ADAMTSL1: variants seen among roughly 807,000 people sequenced by gnomAD.
ADAMTSL1 encodes the protein ADAMTS-like protein 1.
ADAMTSL1 carries 126 observed loss-of-function variants against 201.8 expected under a neutral mutation model. The ratio of observed to expected loss-of-function variants is 0.62; its 90% CI spans 0.54 to 0.72. The LOEUF (loss-of-function observed/expected upper bound fraction) is 0.72, where lower values mean the gene tolerates loss of function less well. Ranked by LOEUF, ADAMTSL1 falls within the 30% of genes least tolerant of loss-of-function variation. ADAMTSL1 has a pLI of 0.00. For synonymous variants in ADAMTSL1, 1,121 were observed against 903.4 expected (o/e 1.24, Z -4.32); for missense variants, 2,679 against 2,277.8 (o/e 1.18, Z -3.59).
chr9:18,513,938 C>G (rs945726796), intron 2 of ADAMTSL1, among the ~76,000 whole-genome samples: 3 of 152,184 alleles, frequency 2.0e-5, no homozygotes, highest in Admixed American at 6.5e-5. Flanking sequence ...ATGCCTTCAG[C>G]TTTGTTCTCT....
intron 1 of ADAMTSL1, among the ~76,000 whole-genome samples, chr9:18,064,954 A>ATTTT (rs563021690): frequency 0.01 from 690 of 68,972 alleles, 38 homozygotes; most frequent in African/African-American, 0.016. Flanking sequence ...TTTGCTAAAG[A>ATTTT]TTTTTTTTTT....
chr9:18,591,595 C>T (rs548792613), intron 4 of ADAMTSL1, among the ~76,000 whole-genome samples: 1 of 152,154 alleles, frequency 6.6e-6, no homozygotes, highest in East Asian at 1.9e-4. Flanking sequence ...CTCTCTCTTC[C>T]TTTTTTACTG....
At chr9:18,223,426 A>AT (rs935221375) in intron 2 of ADAMTSL1, among the ~76,000 whole-genome samples, 3 of 151,854 alleles carry the variant, frequency 2.0e-5, no homozygotes, top group Admixed American at 6.6e-5. Flanking sequence ...GTAAGTTAGA[A>AT]TTTTTTTCAT....
chr9:18,897,169 G>A (rs1829693952), intron 26 of ADAMTSL1, among the ~76,000 whole-genome samples: 1 of 152,204 alleles, frequency 6.6e-6, no homozygotes, highest in Non-Finnish European at 1.5e-5. Context: ...TGGCCTCCCT[G>A]CGGGAATTTC....
chr9:18,298,390 C>G (rs1029346152), intron 2 of ADAMTSL1, among the ~76,000 whole-genome samples: 4 of 152,020 alleles, frequency 2.6e-5, no homozygotes, highest in Non-Finnish European at 5.9e-5. Flanking sequence ...GTGTTCTTAT[C>G]CAAAATGAAA....
intron 2 of ADAMTSL1, among the ~76,000 whole-genome samples, chr9:18,510,013 G>T (rs1753888828): frequency 6.6e-6 from 1 of 152,116 alleles, no homozygotes; most frequent in African/African-American, 2.4e-5. Flanking sequence ...ATGCTTAGAG[G>T]CCTAGCAGGT....
At chr9:17,914,410 A>G in intron 1 of ADAMTSL1, among the ~76,000 whole-genome samples, 1 of 152,222 alleles carries the variant, frequency 6.6e-6, no homozygotes, top group East Asian at 1.9e-4. Flanking sequence ...AACAGAACCA[A>G]TGACAAAAAC....
At chr9:18,856,894 G>A (rs1826890637) in intron 23 of ADAMTSL1, among the ~76,000 whole-genome samples, 1 of 152,158 alleles carries the variant, frequency 6.6e-6, no homozygotes, top group African/African-American at 2.4e-5. Flanking sequence ...GCTGGTTGGA[G>A]AAAGGGGGAA....
intron 1 of ADAMTSL1, among the ~76,000 whole-genome samples, chr9:17,988,096 A>G (rs1161669069): frequency 1.3e-5 from 2 of 152,024 alleles, no homozygotes; most frequent in East Asian, 3.9e-4. Flanking sequence ...TCTGACATTT[A>G]TGGCTGTGTT....
intron 1 of ADAMTSL1, among the ~76,000 whole-genome samples, chr9:18,495,286 G>A (rs894796676): frequency 6.6e-6 from 1 of 152,216 alleles, no homozygotes; most frequent in African/African-American, 2.4e-5. Context: ...ACATTCATGT[G>A]AAAGCAACGC....
At position 18,486,353 on chromosome 9, in the gene ADAMTSL1, A is replaced by G. The variant is rs187720381; in HGVS notation, c.63+12058A>G. 3.3e-5 allele frequency among the ~76,000 whole-genome samples: 5 copies of G among 152,324 alleles called. No individual in the cohort carries two copies. In the East Asian group the frequency reaches 9.7e-4, roughly 29 times the overall value. On this transcript the variant is annotated intron_variant, in intron 1 of 28. Transcript: ENST00000380548. ...CTGAAGAGACTGCCAAACTGTTGTG[A>G]CTTAACCCTTTATTCACTCTCAGCG...
At chr9:18,162,443 A>G (rs1360896651) in intron 1 of ADAMTSL1, among the ~76,000 whole-genome samples, 1 of 152,004 alleles carries the variant, frequency 6.6e-6, no homozygotes. Context: ...AGTGTGTGTG[A>G]CAGCAGAGTG....
chr9:18,877,278 G>A (rs918772965), intron 23 of ADAMTSL1, among the ~76,000 whole-genome samples: 2 of 152,092 alleles, frequency 1.3e-5, no homozygotes, highest in Admixed American at 1.3e-4. Context: ...AGGCGTTCCT[G>A]GTGAGCCAGT....
chr9:18,281,645 C>G (rs1411786465), intron 2 of ADAMTSL1, among the ~76,000 whole-genome samples: 1 of 152,220 alleles, frequency 6.6e-6, no homozygotes, highest in Non-Finnish European at 1.5e-5. Context: ...AGAGATTTCT[C>G]TGAAACAACA....
intron 3 of ADAMTSL1, among the ~76,000 whole-genome samples, chr9:18,571,105 AAC>A (rs1822267249): frequency 6.6e-6 from 1 of 152,214 alleles, no homozygotes; most frequent in Admixed American, 6.5e-5. Context: ...GGAAAGAACC[AAC>A]ACAATTTATT....
chr9:18,288,687 A>C (rs1271630694), intron 2 of ADAMTSL1, among the ~76,000 whole-genome samples: 1 of 152,256 alleles, frequency 6.6e-6, no homozygotes, highest in East Asian at 1.9e-4. Context: ...AAAAGAAAGT[A>C]AAAGAGGCAG....
At chr9:18,326,563 T>C (rs913819716) in intron 2 of ADAMTSL1, among the ~76,000 whole-genome samples, 2 of 152,210 alleles carry the variant, frequency 1.3e-5, no homozygotes, top group African/African-American at 4.8e-5. Flanking sequence ...CATTTTATTA[T>C]ACATTTGACA....
At chr9:18,298,594 G>C (rs1833568259) in intron 2 of ADAMTSL1, among the ~76,000 whole-genome samples, 1 of 151,378 alleles carries the variant, frequency 6.6e-6, no homozygotes, top group African/African-American at 2.4e-5. Context: ...CACTGAGCAA[G>C]TGTTTATGAT....
chr9:18,721,101 A>G (rs960750198), intron 14 of ADAMTSL1, among the ~76,000 whole-genome samples: 4 of 152,352 alleles, frequency 2.6e-5, no homozygotes, highest in African/African-American at 9.6e-5. Flanking sequence ...TGGATATAAA[A>G]CATGGCCTTG....
Sources: gnomAD v4.1 joint callset for allele counts (sites outside exome capture counted in the v4.1 genomes callset) on GRCh38, gnomAD v4.1.1 for gene constraint, MANE v1.5 for transcripts, NCBI Gene and HGNC (gene_info 2026-07-23, HGNC 2026-07-21) for gene names.